SPAG16: variants seen among roughly 807,000 people sequenced by gnomAD.
SPAG16 encodes the protein sperm-associated antigen 16 protein.
Under a neutral mutation model 80.4 loss-of-function variants are expected in SPAG16, and 86 were observed. The observed-to-expected ratio is 1.07, with a 90% CI of 0.90 to 1.28. The LOEUF is 1.28. SPAG16 is among the 50% of genes most tolerant of loss of function. SPAG16 has a pLI of 0.00. For missense variants in SPAG16, 870 were observed against 765.3 expected (o/e 1.14, Z -1.61); for synonymous variants, 294 against 265.9 (o/e 1.11, Z -1.03).
At chr2:213,516,617 A>G (rs2075434443) in intron 10 of SPAG16, among the ~76,000 whole-genome samples, 1 of 152,184 alleles carries the variant, frequency 6.6e-6, no homozygotes, top group Non-Finnish European at 1.5e-5. Context: ...GAATTCCAGA[A>G]GTAAAGACAG....
chr2:213,331,901 A>G (rs1007095948), intron 5 of SPAG16, among the ~76,000 whole-genome samples: 1 of 152,196 alleles, frequency 6.6e-6, no homozygotes, highest in Non-Finnish European at 1.5e-5. Context: ...AGGGGAATTT[A>G]TAGGCACTTA....
intron 9 of SPAG16, among the ~76,000 whole-genome samples, chr2:213,426,463 G>T: frequency 1.3e-5 from 2 of 151,736 alleles, no homozygotes; most frequent in South Asian, 4.2e-4. Flanking sequence ...GTGTGAGCTT[G>T]CAATCTAATG....
intron 15 of SPAG16, among the ~76,000 whole-genome samples, chr2:214,343,249 A>G (rs977083920): frequency 1.3e-5 from 2 of 152,222 alleles, no homozygotes; most frequent in Admixed American, 6.5e-5. Context: ...TTAAGAAAGC[A>G]AATCAAGAAA....
intron 14 of SPAG16, among the ~76,000 whole-genome samples, chr2:214,111,203 C>T (rs1328487262): frequency 6.6e-6 from 1 of 152,144 alleles, no homozygotes; most frequent in Non-Finnish European, 1.5e-5. Context: ...GAAGTTCTTG[C>T]CCATACCTAT....
chr2:214,314,996 A>C (rs1358285847), intron 15 of SPAG16, among the ~76,000 whole-genome samples: 1 of 151,822 alleles, frequency 6.6e-6, no homozygotes, highest in East Asian at 1.9e-4. Context: ...AATATGAGAG[A>C]ATTCTAATGA....
At chr2:213,535,133 A>G (rs1341023050) in intron 10 of SPAG16, among the ~76,000 whole-genome samples, 1 of 152,108 alleles carries the variant, frequency 6.6e-6, no homozygotes, top group Non-Finnish European at 1.5e-5. Context: ...AAATGTTTAT[A>G]AAAATGTTTA....
chr2:213,831,142 C>T (rs992646813), intron 10 of SPAG16, among the ~76,000 whole-genome samples: 5 of 148,230 alleles, frequency 3.4e-5, no homozygotes, highest in African/African-American at 2.5e-5. Flanking sequence ...TGAGTTCAAG[C>T]GATTCTCCTG....
chr2:213,433,128 G>A (rs1043319315), intron 9 of SPAG16, among the ~76,000 whole-genome samples: 1 of 152,108 alleles, frequency 6.6e-6, no homozygotes, highest in Non-Finnish European at 1.5e-5. Context: ...GGGCATATAT[G>A]ACAAATCCAT....
intron 10 of SPAG16, among the ~76,000 whole-genome samples, chr2:213,789,528 T>C (rs1205338610): frequency 6.6e-6 from 1 of 152,000 alleles, no homozygotes; most frequent in East Asian, 1.9e-4. Context: ...GTTGGAGACA[T>C]TGTTTGAAGA....
chr2:213,575,892 CA>C (rs2060107431), intron 10 of SPAG16, among the ~76,000 whole-genome samples: 2 of 152,120 alleles, frequency 1.3e-5, no homozygotes, highest in Non-Finnish European at 1.5e-5. Flanking sequence ...GTATATGCCA[CA>C]AATCTGTAAG....
At chr2:214,141,345 T>C (rs2055348769) in intron 14 of SPAG16, among the ~76,000 whole-genome samples, 1 of 151,570 alleles carries the variant, frequency 6.6e-6, no homozygotes, top group Non-Finnish European at 1.5e-5. Flanking sequence ...CATGTGCCTG[T>C]AATCCCAGCT....
intron 15 of SPAG16, among the ~76,000 whole-genome samples, chr2:214,156,219 T>C (rs2056208297): frequency 6.6e-6 from 1 of 152,198 alleles, no homozygotes; most frequent in Non-Finnish European, 1.5e-5. Flanking sequence ...ATAGGTCTTA[T>C]GTGCAAGAGG....
At chr2:214,067,729 C>T (rs1042717675) in intron 13 of SPAG16, among the ~76,000 whole-genome samples, 1 of 151,740 alleles carries the variant, frequency 6.6e-6, no homozygotes, top group South Asian at 2.1e-4. Context: ...TCAAGATGGT[C>T]CTTGCCAGGA....
chr2:213,937,505 T>C (rs1052405457), intron 12 of SPAG16, among the ~76,000 whole-genome samples: 1 of 152,108 alleles, frequency 6.6e-6, no homozygotes, highest in Admixed American at 6.6e-5. Context: ...TTAATTATTA[T>C]ATCTTCTTGG....
chr2:213,659,642 C>T (rs916840945), intron 10 of SPAG16, among the ~76,000 whole-genome samples: 3 of 152,146 alleles, frequency 2.0e-5, no homozygotes, highest in Non-Finnish European at 4.4e-5. Flanking sequence ...CACAAAGCAA[C>T]TTCCTGGACT....
At chr2:214,267,207 A>G (rs1319174809) in intron 15 of SPAG16, among the ~76,000 whole-genome samples, 2 of 151,868 alleles carry the variant, frequency 1.3e-5, no homozygotes, top group Non-Finnish European at 3.0e-5. Context: ...AGATAAAAAG[A>G]TAAAAGCTGG....
chr2:214,189,898 C>T (rs1035338463), intron 15 of SPAG16, among the ~76,000 whole-genome samples: 1 of 151,962 alleles, frequency 6.6e-6, no homozygotes, highest in African/African-American at 2.4e-5. Flanking sequence ...CCTTTAACAA[C>T]TAGTAAATGC....
At chr2:213,386,271 A>G (rs897705001) in intron 9 of SPAG16, among the ~76,000 whole-genome samples, 4 of 152,158 alleles carry the variant, frequency 2.6e-5, no homozygotes, top group African/African-American at 7.2e-5. Context: ...AGGGCCTAAG[A>G]GTCTTGTCTT....
chr2:214,081,492 A>T (rs907368364), intron 13 of SPAG16, among the ~76,000 whole-genome samples: 2 of 152,180 alleles, frequency 1.3e-5, no homozygotes, highest in African/African-American at 2.4e-5. Context: ...ACAGGGACAG[A>T]GAGAGAGAAT....
Sources: gnomAD v4.1 joint callset for allele counts (sites outside exome capture counted in the v4.1 genomes callset) on GRCh38, gnomAD v4.1.1 for gene constraint, MANE v1.5 for transcripts, NCBI Gene and HGNC (gene_info 2026-07-23, HGNC 2026-07-21) for gene names.